KCNMA1: variants seen among roughly 807,000 people sequenced by gnomAD.
KCNMA1 encodes Calcium-activated potassium channel subunit alpha-1.
A neutral mutation model predicts 140.0 loss-of-function variants in KCNMA1; 29 were observed. The observed-to-expected ratio is 0.21, with a 90% CI of 0.15 to 0.28. The LOEUF (loss-of-function observed/expected upper bound fraction) is 0.28. Ranked by LOEUF, KCNMA1 falls within the 10% of genes least tolerant of loss-of-function variation. The pLI is 1.00. For missense variants in KCNMA1, 880 were observed against 1,602.2 expected, an observed-to-expected ratio of 0.55 and a Z score of 7.70; for synonymous variants, 612 against 611.9, an observed-to-expected ratio of 1.00 and a Z score of 0.00.
In KCNMA1 at chr10:77,228,657, T is replaced by C. The variant is rs556617229; in HGVS notation, c.602+22538A>G. On this transcript the variant is annotated intron_variant, in intron 3 of 27. Transcript: ENST00000286628. ...AATATCAATTTGAAGGCACATAAAA[T>C]TATGAGCCTGCCCAAGTGTCTTCTT... 8.5e-5 allele frequency among the ~76,000 whole-genome samples: 13 copies of C among 152,316 alleles called. No homozygotes were observed. The South Asian group carries it at 2.5e-3, about 29-fold the overall frequency.
At chr10:77,444,666 T>C (rs2097487109) in intron 1 of KCNMA1, among the ~76,000 whole-genome samples, 2 of 152,118 alleles carry the variant, frequency 1.3e-5, no homozygotes, top group African/African-American at 4.8e-5. Flanking sequence ...GGTTATCAAT[T>C]CCAGGCCTCC....
rs535926256 is a variant in KCNMA1, at chr10:76,928,713, T to A, written c.2903-13664A>T. Among the ~76,000 whole-genome samples the A allele has an allele frequency of 7.2e-5, 11 of 152,230 alleles. No homozygotes were observed. The South Asian group carries it at 2.3e-3, about 32-fold the overall frequency. On this transcript the variant is annotated intron_variant, in intron 23 of 27. Transcript: ENST00000286628. The stretch of plus-strand genomic sequence containing the variant: ...CATACAGATGATGTAAGGCATGCAA[T>A]CAAAGACAATAACACTCTCTGCCCA...
At chr10:77,326,437 C>T (rs755178123) in intron 2 of KCNMA1, among the ~76,000 whole-genome samples, 20 of 152,080 alleles carry the variant, frequency 1.3e-4, no homozygotes, top group Non-Finnish European at 2.4e-4. Context: ...AATTATGATG[C>T]AATATAAATA....
intron 2 of KCNMA1, among the ~76,000 whole-genome samples, chr10:77,383,569 A>G (rs977138466): frequency 5.3e-5 from 8 of 152,162 alleles, no homozygotes; most frequent in Non-Finnish European, 1.2e-4. Context: ...CATATTTTTT[A>G]AAAGTAAAAA....
intron 22 of KCNMA1, among the ~76,000 whole-genome samples, chr10:76,945,578 A>G (rs2063704687): frequency 6.6e-6 from 1 of 152,186 alleles, no homozygotes; most frequent in African/African-American, 2.4e-5. Flanking sequence ...ATATAATTTT[A>G]TTGCATATTT....
chr10:76,996,953 C>G (rs1375831761), intron 19 of KCNMA1, among the ~76,000 whole-genome samples: 2 of 152,124 alleles, frequency 1.3e-5, no homozygotes, highest in East Asian at 3.9e-4. Context: ...CTTTAACAGG[C>G]GTTGGAGACT....
At chr10:76,972,919 T>G (rs773774736) in intron 19 of KCNMA1, 2 of 152,248 alleles carry the variant, frequency 1.3e-5, no homozygotes, top group Non-Finnish European at 2.9e-5. Flanking sequence ...TATCAATTTC[T>G]GCATAAAGAA....
intron 1 of KCNMA1, among the ~76,000 whole-genome samples, chr10:77,505,491 T>C (rs1433161113): frequency 6.6e-6 from 1 of 152,240 alleles, no homozygotes; most frequent in East Asian, 1.9e-4. Context: ...GTAGAAGCTT[T>C]GGTTGGGGGG....
chr10:76,951,614 G>A (rs1023163107), intron 21 of KCNMA1, among the ~76,000 whole-genome samples: 2 of 152,152 alleles, frequency 1.3e-5, no homozygotes, highest in African/African-American at 4.8e-5. Flanking sequence ...CCCGTGCCCA[G>A]TGGGTACACA....
At chr10:77,204,350 G>A (rs907079593) in intron 3 of KCNMA1, among the ~76,000 whole-genome samples, 1 of 152,102 alleles carries the variant, frequency 6.6e-6, no homozygotes, top group African/African-American at 2.4e-5. Flanking sequence ...AGAGGTCCAA[G>A]ACCTGAGAAG....
intron 2 of KCNMA1, among the ~76,000 whole-genome samples, chr10:77,378,675 C>T (rs904936987): frequency 1.3e-5 from 2 of 152,164 alleles, no homozygotes; most frequent in Non-Finnish European, 2.9e-5. Context: ...CTCCAGGTCT[C>T]ATTACTTTCA....
At chr10:77,510,170 A>G (rs2047838000) in intron 1 of KCNMA1, among the ~76,000 whole-genome samples, 2 of 152,128 alleles carry the variant, frequency 1.3e-5, no homozygotes, top group Non-Finnish European at 2.9e-5. Context: ...CAGTGATAAG[A>G]TAAGCAATGT....
chr10:77,135,725 T>C (rs930326655), intron 5 of KCNMA1, among the ~76,000 whole-genome samples: 8 of 152,260 alleles, frequency 5.3e-5, no homozygotes, highest in Admixed American at 4.6e-4. Flanking sequence ...TTAAGTTAAA[T>C]AAGCCATGCA....
chr10:77,609,856 C>T (rs1185216481), intron 1 of KCNMA1, among the ~76,000 whole-genome samples: 1 of 152,148 alleles, frequency 6.6e-6, no homozygotes, highest in African/African-American at 2.4e-5. Flanking sequence ...AAGCCCCAAA[C>T]ATACTCAAGG....
intron 1 of KCNMA1, among the ~76,000 whole-genome samples, chr10:77,609,208 C>T (rs569244052): frequency 6.6e-5 from 10 of 152,188 alleles, no homozygotes; most frequent in African/African-American, 1.4e-4. Context: ...TGCCCACCAA[C>T]GGATGATGGA....
intron 19 of KCNMA1, among the ~76,000 whole-genome samples, chr10:76,975,106 G>A (rs984988357): frequency 2.0e-5 from 3 of 152,140 alleles, no homozygotes; most frequent in South Asian, 2.1e-4. Context: ...CATTTCCTTC[G>A]GCCGTCAGCG....
At chr10:77,210,290 T>C (rs1288742975) in intron 3 of KCNMA1, among the ~76,000 whole-genome samples, 1 of 152,072 alleles carries the variant, frequency 6.6e-6, no homozygotes, top group Non-Finnish European at 1.5e-5. Context: ...CGATTAGCAT[T>C]ATAAACAGAA....
chr10:76,983,792 G>A (rs2080322890), intron 19 of KCNMA1, among the ~76,000 whole-genome samples: 1 of 151,348 alleles, frequency 6.6e-6, no homozygotes, highest in South Asian at 2.1e-4. Flanking sequence ...GTCATCCTGA[G>A]ACATATTTCA....
chr10:76,880,232 A>G (rs116319173), downstream of KCNMA1, among the ~76,000 whole-genome samples: 1,160 of 152,266 alleles, frequency 7.6e-3, 15 homozygotes, highest in African/African-American at 0.026. Flanking sequence ...GAGAATATCA[A>G]TTTCCTTCTG....
Sources: gnomAD v4.1 joint callset for allele counts (sites outside exome capture counted in the v4.1 genomes callset) on GRCh38, gnomAD v4.1.1 for gene constraint, MANE v1.5 for transcripts, NCBI Gene and HGNC (gene_info 2026-07-23, HGNC 2026-07-21) for gene names.